The following HSD17B12 variants were observed in gnomAD, a reference collection of about 807,000 sequenced individuals.
HSD17B12 encodes the protein hydroxysteroid 17-beta dehydrogenase 12, also known as very-long-chain 3-oxoacyl-CoA reductase.
In HSD17B12, 32 loss-of-function variants were observed where a neutral mutation model predicts 39.3. The ratio of observed to expected loss-of-function variants is 0.81; its 90% CI spans 0.61 to 1.09. The LOEUF is 1.09. Among genes scored for constraint, HSD17B12 ranks in the 50% least tolerant of loss-of-function variants. The pLI, the probability that HSD17B12 is intolerant of heterozygous loss-of-function variation, is 0.00. For synonymous variants in HSD17B12, 150 were observed against 146.7 expected, an observed-to-expected ratio of 1.02 and a Z score of -0.16; for missense variants, 342 against 382.9, an observed-to-expected ratio of 0.89 and a Z score of 0.89.
intron 1 of HSD17B12, chr11:43,734,028 C>CG: frequency 2.7e-6 from 2 of 751,848 alleles, no homozygotes; most frequent in South Asian, 2.8e-5. Context: ...CAATATCACA[C>CG]GGCGGATCCT....
upstream of HSD17B12, among the ~76,000 whole-genome samples, chr11:43,677,294 CA>C (rs982138983): frequency 1.3e-5 from 2 of 152,006 alleles, no homozygotes; most frequent in African/African-American, 4.8e-5. Context: ...TCTTGCTTTA[CA>C]AAAAACACTC....
At chr11:43,735,741 A>G (rs1229505194) in intron 1 of HSD17B12, among the ~76,000 whole-genome samples, 1 of 152,210 alleles carries the variant, frequency 6.6e-6, no homozygotes, top group African/African-American at 2.4e-5. Flanking sequence ...GAACTACCTG[A>G]GACTCTGTCA....
chr11:43,627,412 T>A, the HSD17B12 span, among the ~76,000 whole-genome samples: 1 of 151,956 alleles, frequency 6.6e-6, no homozygotes, highest in Non-Finnish European at 1.5e-5. Flanking sequence ...CTGCTTACTA[T>A]TATTCATTCA....
At chr11:43,836,374 T>G (rs1951370720) in intron 7 of HSD17B12, among the ~76,000 whole-genome samples, 1 of 152,166 alleles carries the variant, frequency 6.6e-6, no homozygotes, top group South Asian at 2.1e-4. Flanking sequence ...TTGTCAAGAT[T>G]GAGGGTTACT....
At chr11:43,635,729 A>G in the HSD17B12 span, among the ~76,000 whole-genome samples, 2 of 152,216 alleles carry the variant, frequency 1.3e-5, no homozygotes, top group Non-Finnish European at 2.9e-5. Flanking sequence ...GAAAACATAA[A>G]CTATACCAAG....
chr11:43,677,175 AG>A (rs1241670274), upstream of HSD17B12, among the ~76,000 whole-genome samples: 2 of 152,272 alleles, frequency 1.3e-5, no homozygotes, highest in Non-Finnish European at 2.9e-5. Context: ...AGAATGGAGA[AG>A]GGGGGGTTTG....
intron 9 of HSD17B12, chr11:43,852,886 C>T (rs1279010962): frequency 6.6e-6 from 1 of 152,116 alleles, no homozygotes; most frequent in Non-Finnish European, 1.5e-5. Context: ...GTGGCTGCAG[C>T]AACAAGGAAA....
At chr11:43,847,844 A>G (rs896665151) in intron 9 of HSD17B12, among the ~76,000 whole-genome samples, 1 of 152,118 alleles carries the variant, frequency 6.6e-6, no homozygotes, top group Non-Finnish European at 1.5e-5. Flanking sequence ...TTTAATCAGA[A>G]TAGACTTGAT....
At chr11:43,580,071 G>GT in the HSD17B12 span, among the ~76,000 whole-genome samples, 1 of 151,846 alleles carries the variant, frequency 6.6e-6, no homozygotes, top group Non-Finnish European at 1.5e-5. Context: ...ACTAATGGGG[G>GT]GGGGGAGGGG....
the HSD17B12 span, among the ~76,000 whole-genome samples, chr11:43,643,546 T>C: frequency 6.6e-6 from 1 of 152,132 alleles, no homozygotes; most frequent in Non-Finnish European, 1.5e-5. Flanking sequence ...TTTCTGATTA[T>C]CTATCAAGAG....
chr11:43,574,356 T>TG, the HSD17B12 span, among the ~76,000 whole-genome samples: 1 of 152,214 alleles, frequency 6.6e-6, no homozygotes, highest in Admixed American at 6.5e-5. Flanking sequence ...GGTCGATAAT[T>TG]AGGGTTAAGA....
At chr11:43,562,482 A>C in the HSD17B12 span, among the ~76,000 whole-genome samples, 1 of 152,240 alleles carries the variant, frequency 6.6e-6, no homozygotes, top group Non-Finnish European at 1.5e-5. Flanking sequence ...TATTGTGACG[A>C]TTCATTGAGT....
At chr11:43,562,769 T>C in the HSD17B12 span, among the ~76,000 whole-genome samples, 1 of 152,192 alleles carries the variant, frequency 6.6e-6, no homozygotes, top group Admixed American at 6.5e-5. Context: ...TGAAAGCCAT[T>C]GGCCCTACCA....
chr11:43,809,859 C>A (rs956023617), intron 4 of HSD17B12, among the ~76,000 whole-genome samples: 1 of 152,098 alleles, frequency 6.6e-6, no homozygotes, highest in Non-Finnish European at 1.5e-5. Context: ...AATAAGATGT[C>A]TTTTTATTAA....
intron 3 of HSD17B12, among the ~76,000 whole-genome samples, chr11:43,765,726 G>A (rs1271048254): frequency 6.6e-6 from 1 of 151,700 alleles, no homozygotes; most frequent in Non-Finnish European, 1.5e-5. Flanking sequence ...ATTCACCAAC[G>A]TTTTTTTCTG....
At chr11:43,639,132 C>T in the HSD17B12 span, among the ~76,000 whole-genome samples, 1 of 152,194 alleles carries the variant, frequency 6.6e-6, no homozygotes, top group African/African-American at 2.4e-5. Context: ...CCTACCACAT[C>T]TTTAAGTACT....
chr11:43,662,879 A>G, the HSD17B12 span, among the ~76,000 whole-genome samples: 1 of 152,164 alleles, frequency 6.6e-6, no homozygotes, highest in Non-Finnish European at 1.5e-5. Context: ...GGTCCTGTGA[A>G]ATTATTTGAC....
At chr11:43,827,585 A>T (rs1460570427) in intron 6 of HSD17B12, among the ~76,000 whole-genome samples, 2 of 152,238 alleles carry the variant, frequency 1.3e-5, no homozygotes, top group Non-Finnish European at 2.9e-5. Context: ...TGCCAAAAGT[A>T]TGAGAAATAT....
At chr11:43,783,719 C>T (rs952458018) in intron 3 of HSD17B12, among the ~76,000 whole-genome samples, 2 of 151,928 alleles carry the variant, frequency 1.3e-5, no homozygotes, top group Admixed American at 6.6e-5. Context: ...TGGTTTCCAG[C>T]GTCATCCATG....
Sources: gnomAD v4.1 joint callset for allele counts (sites outside exome capture counted in the v4.1 genomes callset) on GRCh38, gnomAD v4.1.1 for gene constraint, MANE v1.5 for transcripts, NCBI Gene and HGNC (gene_info 2026-07-23, HGNC 2026-07-21) for gene names.